Variants in SLC13A1 observed in about 807,000 individuals in gnomAD.
The protein encoded by SLC13A1 is Na(+)/sulfate cotransporter.
In SLC13A1, 65 loss-of-function variants were observed where a neutral mutation model predicts 70.0. The ratio of observed to expected loss-of-function variants is 0.93; its 90% confidence interval spans 0.76 to 1.14. The LOEUF is 1.14. SLC13A1 is among the 50% of genes most tolerant of loss of function. The pLI is 0.00. For synonymous variants in SLC13A1, 275 were observed against 250.5 expected (o/e 1.10, Z -0.92); for missense variants, 726 against 717.8 (o/e 1.01, Z -0.13).
At chr7:123,147,138 C>A (rs1390688311) in intron 7 of SLC13A1, 21 bp downstream of exon 7, 1 of 1,604,342 alleles carries the variant, frequency 6.2e-7, no homozygotes, top group South Asian at 1.1e-5. Context: ...GTTAAATCAC[C>A]AATCCAATAA....
At position 123,114,039 on chromosome 7, in the gene SLC13A1, C is replaced by CCGCCA. The variant is rs1793093948; in HGVS notation, c.*1474_*1478dup. 6.8e-6 allele frequency: 1 copy of CCGCCA among 147,762 alleles called. No individual in the cohort carries two copies. The highest frequency in any genetic ancestry group is 2.2e-4 in the South Asian group (1 of 4,646). 9.2% of individuals were successfully genotyped at this position (147,762 alleles called of 1,614,324 possible). On this transcript the variant is annotated 3_prime_UTR_variant, in exon 15 of 15. Coordinates refer to ENST00000194130, the MANE Select transcript of SLC13A1 (RefSeq NM_022444.4). ...GCGGAGCTTGCAGTGAGCCGAGATC[C>CCGCCA]CGCCACTGCACTCCAGCCTGGGCGA...
At chr7:123,123,343 A>G (rs1277838759) in intron 11 of SLC13A1, 108 bp from the exon 12 acceptor site, 2 of 688,526 alleles carry the variant, frequency 2.9e-6, no homozygotes, top group African/African-American at 3.5e-5. Flanking sequence ...ATATTCCTAT[A>G]TTGTTTTTAA....
At chr7:123,146,670 GTTTGTAGAA>G (rs1483980735) in intron 7 of SLC13A1, among the ~76,000 whole-genome samples, 1 of 152,112 alleles carries the variant, frequency 6.6e-6, no homozygotes, top group African/African-American at 2.4e-5. Context: ...TCATATATCT[GTTTGTAGAA>G]TACTTTATTA....
intron 11 of SLC13A1, among the ~76,000 whole-genome samples, chr7:123,124,345 C>T (rs1486087734): frequency 6.6e-6 from 1 of 152,144 alleles, no homozygotes; most frequent in Non-Finnish European, 1.5e-5. Context: ...GGAATCAATG[C>T]TCCATATTGC....
intron 10 of SLC13A1, 83 bp downstream of exon 10, chr7:123,128,762 T>C: frequency 1.2e-6 from 1 of 828,648 alleles, no homozygotes; most frequent in Non-Finnish European, 2.0e-6. Flanking sequence ...TCTCATCCAA[T>C]CTTTCAGAAT....
chr7:123,119,497 A>T (rs1793302480), intron 12 of SLC13A1, among the ~76,000 whole-genome samples: 1 of 151,922 alleles, frequency 6.6e-6, no homozygotes, highest in South Asian at 2.1e-4. Context: ...TTACATTTTA[A>T]TTTTATCTAA....
intron 1 of SLC13A1, among the ~76,000 whole-genome samples, chr7:123,199,179 T>A (rs916833532): frequency 2.6e-5 from 4 of 152,128 alleles, no homozygotes; most frequent in African/African-American, 9.7e-5. Flanking sequence ...ACCAAGAAAT[T>A]AAACATGCTT....
chr7:123,185,660 C>T (rs1388702625), intron 1 of SLC13A1, among the ~76,000 whole-genome samples: 1 of 152,022 alleles, frequency 6.6e-6, no homozygotes, highest in Non-Finnish European at 1.5e-5. Flanking sequence ...TATGCCACTG[C>T]CATGCTGTTT....
At chr7:123,177,805 T>C (rs1168477862) in intron 2 of SLC13A1, among the ~76,000 whole-genome samples, 3 of 152,126 alleles carry the variant, frequency 2.0e-5, no homozygotes, top group Admixed American at 1.3e-4. Context: ...ATCTTTTCCA[T>C]AGCACAAAAT....
Position 123,149,720 on chromosome 7 carries a change from T to C in SLC13A1, c.661-2410A>G, listed in dbSNP as rs568230856. The C allele has an allele frequency of 3.7e-5, 16 of 429,016 alleles. No homozygotes were observed. In the East Asian group the frequency reaches 1.1e-3, roughly 28 times the overall value. The allele number at this position is 429,016 out of a possible 1,614,324, so 26.6% of individuals were successfully genotyped here. A position where few individuals can be genotyped will look rare whatever the true frequency, so the allele number is the denominator to read the frequency against. Reference sequence around the variant, plus strand: ...TTTTACCATCCTGGTTATCAAGAAATTGGCACAGTTATCACAGTTTCTTCT... The same window carrying C: ...TTTTACCATCCTGGTTATCAAGAAACTGGCACAGTTATCACAGTTTCTTCT... On this transcript the variant is annotated intron_variant, in intron 6 of 14. Transcript: ENST00000194130.
intron 10 of SLC13A1, among the ~76,000 whole-genome samples, chr7:123,128,057 T>C (rs1793624774): frequency 6.6e-6 from 1 of 151,958 alleles, no homozygotes; most frequent in Non-Finnish European, 1.5e-5. Context: ...CAGCAATTGA[T>C]TACTGGTATA....
rs202069460 is a variant in SLC13A1, at chr7:123,128,204, T to G, written c.1133+641A>C. Among the ~76,000 whole-genome samples, 3 of 151,884 alleles carry G rather than the reference T, an allele frequency of 2.0e-5. No individual in the cohort carries two copies. In the East Asian group the frequency reaches 5.8e-4, roughly 29 times the overall value. On this transcript the variant is annotated intron_variant, in intron 10 of 14. Transcript: ENST00000194130. ...AACTTGTAGTGAACTAGTGCAAAAA[T>G]GTAAATAAATGAAGAAAAAAGACAA...
chr7:123,188,911 C>T (rs942639081), intron 1 of SLC13A1, among the ~76,000 whole-genome samples: 20 of 151,476 alleles, frequency 1.3e-4, no homozygotes, highest in Admixed American at 1.1e-3. Flanking sequence ...GTCAGGAGAT[C>T]GAGACCATCC....
chr7:123,180,724 G>A (rs1795608877), intron 2 of SLC13A1, among the ~76,000 whole-genome samples: 1 of 152,092 alleles, frequency 6.6e-6, no homozygotes. Flanking sequence ...AGGCATAGAT[G>A]TCAGTGAGAG....
At chr7:123,195,009 A>G (rs1796133134) in intron 1 of SLC13A1, among the ~76,000 whole-genome samples, 1 of 152,128 alleles carries the variant, frequency 6.6e-6, no homozygotes, top group South Asian at 2.1e-4. Context: ...TTTTGCCATT[A>G]ATATTTGTCA....
chr7:123,167,120 G>T (rs1314185308), intron 6 of SLC13A1, among the ~76,000 whole-genome samples: 2 of 152,260 alleles, frequency 1.3e-5, no homozygotes, highest in South Asian at 2.1e-4. Flanking sequence ...CTCAACCATT[G>T]TGGAAGTCAG....
intron 1 of SLC13A1, among the ~76,000 whole-genome samples, chr7:123,192,530 G>A (rs140390852): frequency 1.9e-4 from 29 of 152,150 alleles, no homozygotes; most frequent in African/African-American, 6.3e-4. Flanking sequence ...CTGATATTAG[G>A]GAGTAATTTG....
chr7:123,190,769 G>T (rs1291681491), intron 1 of SLC13A1, among the ~76,000 whole-genome samples: 1 of 152,164 alleles, frequency 6.6e-6, no homozygotes, highest in Non-Finnish European at 1.5e-5. Flanking sequence ...CCCTGGGGAA[G>T]CTGGTTAACT....
At chr7:123,179,914 T>C (rs1795584205) in intron 2 of SLC13A1, among the ~76,000 whole-genome samples, 1 of 152,166 alleles carries the variant, frequency 6.6e-6, no homozygotes, top group Non-Finnish European at 1.5e-5. Context: ...CCTTCTTTTT[T>C]TATTCCCGAT....
Sources: allele counts gnomAD v4.1 joint callset (sites outside exome capture counted in the v4.1 genomes callset), GRCh38; gene constraint gnomAD v4.1.1; transcripts MANE v1.5; gene names NCBI Gene and HGNC (gene_info 2026-07-23, HGNC 2026-07-21).